ATG7: variants seen among roughly 807,000 people sequenced by gnomAD.
The protein encoded by ATG7 is ubiquitin-like modifier-activating enzyme ATG7.
Under a neutral mutation model 82.4 loss-of-function variants are expected in ATG7, and 70 were observed. The ratio of observed to expected loss-of-function variants is 0.85; its 90% confidence interval spans 0.70 to 1.04. ATG7 has a LOEUF of 1.04. ATG7 is among the 50% of genes least tolerant of loss of function. The pLI, the probability that ATG7 is intolerant of heterozygous loss-of-function variation, is 0.00. For synonymous variants in ATG7, 287 were observed against 313.0 expected, an observed-to-expected ratio of 0.92 and a Z score of 0.88; for missense variants, 792 against 864.3, an observed-to-expected ratio of 0.92 and a Z score of 1.05.
chr3:11,471,488 T>TA (rs1372566651), intron 20 of ATG7, among the ~76,000 whole-genome samples: 1 of 151,920 alleles, frequency 6.6e-6, no homozygotes, highest in Non-Finnish European at 1.5e-5. Flanking sequence ...TAAAAACATT[T>TA]AAAAAATTTT....
At chr3:11,345,184 T>G (rs1045289266) in intron 13 of ATG7, among the ~76,000 whole-genome samples, 2 of 152,088 alleles carry the variant, frequency 1.3e-5, no homozygotes, top group Non-Finnish European at 2.9e-5. Context: ...GGCGGGCGGA[T>G]CATGAGGTCA....
chr3:11,405,298 CTA>C (rs2080222975), intron 19 of ATG7, among the ~76,000 whole-genome samples: 1 of 152,134 alleles, frequency 6.6e-6, no homozygotes, highest in South Asian at 2.1e-4. Flanking sequence ...CCCCCACTGA[CTA>C]TTGGGCTGCC....
chr3:11,514,999 C>A (rs929953355), intron 20 of ATG7, among the ~76,000 whole-genome samples: 1 of 151,884 alleles, frequency 6.6e-6, no homozygotes, highest in Non-Finnish European at 1.5e-5. Flanking sequence ...CACCACCACA[C>A]CCAGCTAAAT....
chr3:11,305,349 GT>G (rs2152703900), intron 5 of ATG7, among the ~76,000 whole-genome samples: 1 of 152,352 alleles, frequency 6.6e-6, no homozygotes, highest in South Asian at 2.1e-4. Context: ...TTGGTATGCA[GT>G]TTTCTCCTTT....
chr3:11,432,253 A>G (rs1278642034), intron 20 of ATG7, among the ~76,000 whole-genome samples: 3 of 152,194 alleles, frequency 2.0e-5, no homozygotes, highest in Admixed American at 1.3e-4. Context: ...TAGTAAATGG[A>G]TTTAGCTAGA....
At chr3:11,384,782 G>A (rs2078188813) in intron 19 of ATG7, among the ~76,000 whole-genome samples, 1 of 151,958 alleles carries the variant, frequency 6.6e-6, no homozygotes, top group African/African-American at 2.4e-5. Flanking sequence ...GTAACATGGT[G>A]AAATCCTGCC....
At chr3:11,435,351 T>G (rs1232435214) in intron 20 of ATG7, among the ~76,000 whole-genome samples, 1 of 152,162 alleles carries the variant, frequency 6.6e-6, no homozygotes, top group Non-Finnish European at 1.5e-5. Context: ...CCAGACTCGG[T>G]GCCACTTTTG....
intron 20 of ATG7, among the ~76,000 whole-genome samples, chr3:11,467,803 A>G (rs1172368955): frequency 3.9e-5 from 6 of 152,210 alleles, no homozygotes; most frequent in East Asian, 1.9e-4. Flanking sequence ...CAAAGACATT[A>G]TATGTCTTAT....
chr3:11,531,183 C>T (rs1240603475), intron 20 of ATG7, among the ~76,000 whole-genome samples: 1 of 152,096 alleles, frequency 6.6e-6, no homozygotes, highest in Non-Finnish European at 1.5e-5. Context: ...ACTAAAACCC[C>T]GTTGTTCTGC....
chr3:11,348,160 T>C, intron 14 of ATG7, 125 bp downstream of exon 14: 1 of 1,311,846 alleles, frequency 7.6e-7, no homozygotes, highest in Non-Finnish European at 1.0e-6. Context: ...CCACTCGCTA[T>C]GTGGCTGAAC....
At chr3:11,554,591 C>T (rs936800618) in intron 20 of ATG7, among the ~76,000 whole-genome samples, 4 of 152,180 alleles carry the variant, frequency 2.6e-5, no homozygotes, top group African/African-American at 9.7e-5. Context: ...CAAATCCCAG[C>T]CCTCCCCTGT....
At chr3:11,570,792 C>T in the ATG7 span, among the ~76,000 whole-genome samples, 2 of 152,192 alleles carry the variant, frequency 1.3e-5, no homozygotes, top group African/African-American at 4.8e-5. Context: ...GTCCTCCTCA[C>T]CTCCTCCCTG....
chr3:11,339,104 G>C (rs946264089), intron 11 of ATG7, among the ~76,000 whole-genome samples: 1 of 151,968 alleles, frequency 6.6e-6, no homozygotes, highest in Non-Finnish European at 1.5e-5. Context: ...AGACCATCCT[G>C]GCTAACACGG....
chr3:11,518,992 AT>A (rs999827143), intron 20 of ATG7, among the ~76,000 whole-genome samples: 31 of 152,240 alleles, frequency 2.0e-4, no homozygotes, highest in African/African-American at 6.5e-4. Flanking sequence ...TAAAAAAAAA[AT>A]CTTATATAAG....
At chr3:11,302,669 C>T (rs1946976424) in intron 5 of ATG7, among the ~76,000 whole-genome samples, 1 of 152,184 alleles carries the variant, frequency 6.6e-6, no homozygotes, top group South Asian at 2.1e-4. Flanking sequence ...ATTGCTTCCT[C>T]TGTGTCTTGA....
chr3:11,450,295 T>C (rs1351096409), intron 20 of ATG7, among the ~76,000 whole-genome samples: 2 of 152,200 alleles, frequency 1.3e-5, no homozygotes. Flanking sequence ...TTCTTACATA[T>C]TAGTTGGGCC....
At chr3:11,344,911 A>T (rs572404135) in intron 13 of ATG7, among the ~76,000 whole-genome samples, 1 of 152,142 alleles carries the variant, frequency 6.6e-6, no homozygotes, top group Non-Finnish European at 1.5e-5. Flanking sequence ...ATCTCACTTC[A>T]TAAGTCAAAT....
In ATG7 at chr3:11,387,258, G is replaced by A. The variant is rs150651298; in HGVS notation, c.1956+7206G>A. Reference sequence around the variant, plus strand: ...CTTTGAAAGGCTGCAGAAACCTTCCGTTCATGTCTCTTGACAATGACAGCC... The same window carrying A: ...CTTTGAAAGGCTGCAGAAACCTTCCATTCATGTCTCTTGACAATGACAGCC... On this transcript the variant is annotated intron_variant, in intron 19 of 20. Transcript: ENST00000693202. Among the ~76,000 whole-genome samples, 11 of 152,312 alleles carry A rather than the reference G, an allele frequency of 7.2e-5. No homozygotes were observed. The Middle Eastern group carries it at 0.017, about 235-fold the overall frequency.
intron 19 of ATG7, among the ~76,000 whole-genome samples, chr3:11,401,183 T>C (rs1405573593): frequency 6.6e-6 from 1 of 152,240 alleles, no homozygotes; most frequent in Non-Finnish European, 1.5e-5. Flanking sequence ...CAGCTACTTC[T>C]GTTTTAACAA....
Sources: allele counts gnomAD v4.1 joint callset (sites outside exome capture counted in the v4.1 genomes callset), GRCh38; gene constraint gnomAD v4.1.1; transcripts MANE v1.5; gene names NCBI Gene and HGNC (gene_info 2026-07-23, HGNC 2026-07-21).